LRRC37A2: variants seen among roughly 807,000 people sequenced by gnomAD.
The protein encoded by LRRC37A2 is leucine rich repeat containing 37 member A2, also known as leucine-rich repeat-containing protein 37A2.
Under a neutral mutation model 68.8 loss-of-function variants are expected in LRRC37A2, and 9 were observed. The ratio of observed to expected loss-of-function variants is 0.13; its 90% CI spans 0.08 to 0.23. The LOEUF is 0.23. Among genes scored for constraint, LRRC37A2 ranks in the 10% least tolerant of loss-of-function variants. The pLI, the probability that LRRC37A2 is intolerant of heterozygous loss-of-function variation, is 1.00. For synonymous variants in LRRC37A2, 63 were observed against 367.6 expected (o/e 0.17, Z 9.48); for missense variants, 168 against 950.4 (o/e 0.18, Z 10.82).
At chr17:46,816,868 G>A in the LRRC37A2 span, among the ~76,000 whole-genome samples, 1 of 152,328 alleles carries the variant, frequency 6.6e-6, no homozygotes, top group South Asian at 2.1e-4. Context: ...CCGGGAATGG[G>A]AAGAGGGTCA....
the LRRC37A2 span, among the ~76,000 whole-genome samples, chr17:46,500,741 A>G: frequency 2.0e-5 from 3 of 151,138 alleles, no homozygotes; most frequent in Non-Finnish European, 2.9e-5. Flanking sequence ...ATGAGTAGCA[A>G]AGTTTGAAGA....
the LRRC37A2 span, among the ~76,000 whole-genome samples, chr17:46,715,218 C>T: frequency 6.6e-6 from 1 of 152,182 alleles, no homozygotes; most frequent in Non-Finnish European, 1.5e-5. Flanking sequence ...GCAAAAAGAA[C>T]TTATAATATC....
At chr17:46,779,984 C>T in the LRRC37A2 span, among the ~76,000 whole-genome samples, 1 of 152,176 alleles carries the variant, frequency 6.6e-6, no homozygotes, top group Admixed American at 6.5e-5. Context: ...GTCTGGAACT[C>T]CTGACCAAGT....
the LRRC37A2 span, chr17:46,728,809 G>T: frequency 5.8e-6 from 7 of 1,212,434 alleles, no homozygotes; most frequent in African/African-American, 1.6e-5. Flanking sequence ...TTTGGAATAT[G>T]TACATGTGTA....
the LRRC37A2 span, chr17:46,875,097 C>T: frequency 6.2e-7 from 1 of 1,613,658 alleles, no homozygotes; most frequent in South Asian, 1.1e-5. Flanking sequence ...GGTGCCCGAT[C>T]CAGGCTTCAA....
At chr17:46,539,255 C>T (rs1392214981) in intron 6 of LRRC37A2, among the ~76,000 whole-genome samples, 4 of 101,366 alleles carry the variant, frequency 3.9e-5, no homozygotes, top group East Asian at 2.5e-4. Flanking sequence ...GCCCTCAAAG[C>T]GCTCATAGTC....
the LRRC37A2 span, among the ~76,000 whole-genome samples, chr17:46,494,667 G>A: frequency 6.6e-6 from 1 of 151,518 alleles, no homozygotes; most frequent in Non-Finnish European, 1.5e-5. Flanking sequence ...TGTTGTGGTC[G>A]TTGTTCCACA....
the LRRC37A2 span, chr17:46,770,050 T>C: frequency 6.5e-7 from 1 of 1,542,136 alleles, no homozygotes; most frequent in Non-Finnish European, 8.7e-7. Context: ...CGCGGGTGGC[T>C]GCGGGGAGGT....
At chr17:46,731,361 T>G in the LRRC37A2 span, among the ~76,000 whole-genome samples, 1 of 152,130 alleles carries the variant, frequency 6.6e-6, no homozygotes, top group African/African-American at 2.4e-5. Context: ...AGAGGGTCAC[T>G]GCTAATGGGT....
chr17:46,625,704 T>C, the LRRC37A2 span, among the ~76,000 whole-genome samples: 5 of 82,428 alleles, frequency 6.1e-5, no homozygotes, highest in Non-Finnish European at 1.0e-4. Context: ...ATAGAAACAT[T>C]AGCCATTGAT....
the LRRC37A2 span, chr17:47,028,337 C>T: frequency 1.9e-5 from 29 of 1,504,256 alleles, no homozygotes; most frequent in East Asian, 3.6e-4. Context: ...AGGCCTGGCA[C>T]GAAATGCAGT....
the LRRC37A2 span, chr17:46,773,870 T>C: frequency 6.2e-7 from 1 of 1,612,518 alleles, no homozygotes; most frequent in Non-Finnish European, 8.5e-7. Flanking sequence ...GCAGGGGCTG[T>C]GAGCCCAGAG....
At chr17:46,807,136 G>A in the LRRC37A2 span, among the ~76,000 whole-genome samples, 3 of 152,174 alleles carry the variant, frequency 2.0e-5, no homozygotes, top group African/African-American at 7.2e-5. Context: ...AAAAAGAGGC[G>A]ACTTCTCTGA....
chr17:46,476,585 G>A, the LRRC37A2 span, among the ~76,000 whole-genome samples: 2 of 103,778 alleles, frequency 1.9e-5, no homozygotes, highest in Admixed American at 1.9e-4. Context: ...TCGGAAGGCT[G>A]AGATAGGAGA....
chr17:46,925,758 G>T, the LRRC37A2 span, among the ~76,000 whole-genome samples: 1 of 152,138 alleles, frequency 6.6e-6, no homozygotes, highest in East Asian at 1.9e-4. Flanking sequence ...ATTATCTCTT[G>T]CCGTGTCACT....
the LRRC37A2 span, among the ~76,000 whole-genome samples, chr17:46,790,825 A>G: frequency 6.6e-6 from 1 of 152,232 alleles, no homozygotes; most frequent in East Asian, 1.9e-4. Context: ...GAGGCCGGCT[A>G]CTGCGCTCGC....
chr17:46,781,606 A>G, the LRRC37A2 span, among the ~76,000 whole-genome samples: 15 of 152,202 alleles, frequency 9.9e-5, no homozygotes, highest in African/African-American at 3.6e-4. Context: ...AGGGAGTGGG[A>G]AGTTACTGCT....
At chr17:46,688,385 A>G in the LRRC37A2 span, among the ~76,000 whole-genome samples, 2 of 139,708 alleles carry the variant, frequency 1.4e-5, no homozygotes, top group Non-Finnish European at 3.1e-5. Context: ...CTTTACTGAG[A>G]GACGTAAAAG....
the LRRC37A2 span, chr17:46,773,639 C>A: frequency 1.1e-6 from 1 of 883,832 alleles, no homozygotes; most frequent in Non-Finnish European, 1.6e-6. Context: ...CACCCAGCCC[C>A]TCCCCCCCCC....
Sources: allele counts gnomAD v4.1 joint callset (sites outside exome capture counted in the v4.1 genomes callset), GRCh38; gene constraint gnomAD v4.1.1; transcripts MANE v1.5; gene names NCBI Gene and HGNC (gene_info 2026-07-23, HGNC 2026-07-21).